Variants in TSHZ2 observed in about 807,000 individuals in gnomAD.
TSHZ2 encodes teashirt homolog 2.
A neutral mutation model predicts 74.4 loss-of-function variants in TSHZ2; 21 were observed. That is an observed-to-expected ratio of 0.28 (90% CI 0.20 to 0.41). The LOEUF (loss-of-function observed/expected upper bound fraction) is 0.41, where lower values mean the gene tolerates loss of function less well. TSHZ2 is among the 10% of genes least tolerant of loss of function. The probability of loss-of-function intolerance (pLI) is 1.00; values close to 1 mark genes in which losing one functional copy is unlikely to be tolerated. For missense variants in TSHZ2, 1,244 were observed against 1,293.5 expected (o/e 0.96, Z 0.59); for synonymous variants, 540 against 515.3 (o/e 1.05, Z -0.65).
chr20:52,988,415 C>A (rs1165528323), intron 1 of TSHZ2, among the ~76,000 whole-genome samples: 1 of 152,148 alleles, frequency 6.6e-6, no homozygotes, highest in Non-Finnish European at 1.5e-5. Flanking sequence ...CCCAGGCCCA[C>A]CTATCAGAGT....
intron 1 of TSHZ2, among the ~76,000 whole-genome samples, chr20:53,114,005 A>G (rs570590085): frequency 5.9e-5 from 9 of 151,956 alleles, no homozygotes; most frequent in Non-Finnish European, 1.2e-4. Context: ...TAGGCAAGAG[A>G]ATCACTTGAG....
At chr20:53,211,713 C>T (rs1989309666) in intron 1 of TSHZ2, among the ~76,000 whole-genome samples, 1 of 152,052 alleles carries the variant, frequency 6.6e-6, no homozygotes, top group South Asian at 2.1e-4. Flanking sequence ...GACCCTGTGT[C>T]TAAAACAATA....
At chr20:53,020,550 T>C (rs1568722886) in intron 1 of TSHZ2, among the ~76,000 whole-genome samples, 1 of 152,166 alleles carries the variant, frequency 6.6e-6, no homozygotes, top group East Asian at 1.9e-4. Context: ...TTTGGCCCCA[T>C]AAAGAGGTCT....
At chr20:53,007,906 CTG>C (rs1982705562) in intron 1 of TSHZ2, among the ~76,000 whole-genome samples, 1 of 152,018 alleles carries the variant, frequency 6.6e-6, no homozygotes, top group Non-Finnish European at 1.5e-5. Context: ...AATGGTCTGG[CTG>C]TGTTTCCTAC....
intron 1 of TSHZ2, among the ~76,000 whole-genome samples, chr20:53,010,349 G>A (rs1982804026): frequency 6.6e-6 from 1 of 152,208 alleles, no homozygotes; most frequent in Non-Finnish European, 1.5e-5. Context: ...AATCCTATCT[G>A]CACAATCCTC....
chr20:53,340,853 T>TG (rs1259883135), intron 2 of TSHZ2, among the ~76,000 whole-genome samples: 4 of 152,068 alleles, frequency 2.6e-5, no homozygotes, highest in Non-Finnish European at 4.4e-5. Flanking sequence ...GGGACAAAGG[T>TG]GGGGTAGGCC....
chr20:53,254,978 A>G lies in TSHZ2; in HGVS notation c.1520A>G (p.Glu507Gly), dbSNP rs945823125. 5 of 1,614,234 alleles carry G rather than the reference A, an allele frequency of 3.1e-6. No individual in the cohort carries two copies. In the African/African-American group the frequency reaches 6.7e-5, roughly 22 times the overall value. The change falls in exon 2 of 3, where the codon GAA becomes GGA. Residue 507 changes from glutamate (E) to glycine (G), a missense_variant. Physicochemically the swap from Glu to Gly is moderately conservative, Grantham distance 98. This residue lies in a region of TSHZ2 where 562 missense variants were observed against 544.0 expected (regional missense o/e 1.03). Coordinates refer to ENST00000371497, the MANE Select transcript of TSHZ2 (RefSeq NM_173485.6). Reference protein sequence around the residue: ...KYQYLREEDLEDGSKGGGDIL... With the variant: ...KYQYLREEDLGDGSKGGGDIL... ...CAATACCTAAGGGAGGAAGACTTGG[A>G]AGATGGCTCAAAGGGTGGAGGGGAC...
chr20:53,035,007 A>G (rs928066383), intron 1 of TSHZ2, among the ~76,000 whole-genome samples: 2 of 152,224 alleles, frequency 1.3e-5, no homozygotes. Context: ...ACTCCTGTCT[A>G]GAAAGAGATA....
chr20:53,198,872 T>A (rs1320891079), intron 1 of TSHZ2, among the ~76,000 whole-genome samples: 2 of 152,174 alleles, frequency 1.3e-5, no homozygotes, highest in Non-Finnish European at 2.9e-5. Context: ...TCTAATATTT[T>A]GAGAATATTA....
chr20:53,268,235 C>T (rs951378911), intron 2 of TSHZ2, among the ~76,000 whole-genome samples: 8 of 152,112 alleles, frequency 5.3e-5, no homozygotes, highest in South Asian at 4.1e-4. Flanking sequence ...ATGCAGAATA[C>T]GAAAGAAGTC....
chr20:53,026,904 G>A (rs1332985827), intron 1 of TSHZ2, among the ~76,000 whole-genome samples: 12 of 151,888 alleles, frequency 7.9e-5, no homozygotes, highest in African/African-American at 2.2e-4. Flanking sequence ...TTTGGAGATC[G>A]AGGTGGGAGA....
At position 53,393,914 on chromosome 20, in the gene TSHZ2, G is replaced by A. The variant is rs185861041; in HGVS notation, c.*9-93230G>A. Among the ~76,000 whole-genome samples, 17 of 152,184 alleles carry A rather than the reference G, an allele frequency of 1.1e-4. No homozygotes were observed. The East Asian group carries it at 3.1e-3, about 28-fold the overall frequency. On this transcript the variant is annotated intron_variant, in intron 2 of 2. Transcript: ENST00000371497. The stretch of plus-strand genomic sequence containing the variant: ...GTAAAACTTTTTTAAAAATTCTAAC[G>A]ACTTCCATAATTTGCATCTCATCTA...
At chr20:53,204,811 G>T (rs1349125354) in intron 1 of TSHZ2, among the ~76,000 whole-genome samples, 1 of 152,110 alleles carries the variant, frequency 6.6e-6, no homozygotes, top group Non-Finnish European at 1.5e-5. Context: ...GCCGGGTGCG[G>T]TGGCTCACGC....
At chr20:53,180,014 A>T (rs1436062619) in intron 1 of TSHZ2, among the ~76,000 whole-genome samples, 1 of 152,228 alleles carries the variant, frequency 6.6e-6, no homozygotes, top group East Asian at 1.9e-4. Flanking sequence ...ATTTCACCAG[A>T]TGCATATTAT....
chr20:53,412,588 G>T (rs1983091805), intron 2 of TSHZ2: 2 of 152,302 alleles, frequency 1.3e-5, no homozygotes, highest in Admixed American at 6.5e-5. Flanking sequence ...CCTCTGGGCC[G>T]CCACTTATGA....
At position 53,254,918 on chromosome 20, in the gene TSHZ2, C is replaced by T; in HGVS notation, c.1460C>T (p.Pro487Leu). ...GTGAAAAGCGAGGACTATGAAGATCCTCTACAAAAACCTTTAGACCCTACA... is the reference window on the plus strand; with the variant it reads ...GTGAAAAGCGAGGACTATGAAGATCTTCTACAAAAACCTTTAGACCCTACA... ...KVVKSEDYED[P>L]LQKPLDPTIK... The change falls in exon 2 of 3, where the codon CCT becomes CTT. Residue 487 changes from proline (P) to leucine (L), a missense_variant. Pro to Leu is a moderately conservative substitution (Grantham distance 98). Coordinates refer to ENST00000371497, the MANE Select transcript of TSHZ2 (RefSeq NM_173485.6). 1 of 1,613,808 alleles carries T rather than the reference C, an allele frequency of 6.2e-7. No homozygotes were observed. The highest frequency in any genetic ancestry group is 8.5e-7 in the Non-Finnish European group (1 of 1,179,942).
intron 2 of TSHZ2, among the ~76,000 whole-genome samples, chr20:53,410,352 C>T (rs1198021630): frequency 6.6e-6 from 1 of 152,084 alleles, no homozygotes; most frequent in African/African-American, 2.4e-5. Context: ...AGGCACATCC[C>T]TGAGCAGAAT....
At chr20:53,214,108 C>T (rs1384764225) in intron 1 of TSHZ2, among the ~76,000 whole-genome samples, 1 of 151,990 alleles carries the variant, frequency 6.6e-6, no homozygotes, top group Non-Finnish European at 1.5e-5. Flanking sequence ...TGGTAAGTAG[C>T]CCAAATCAAA....
At chr20:53,451,288 G>A (rs1164943631) in intron 2 of TSHZ2, among the ~76,000 whole-genome samples, 1 of 152,210 alleles carries the variant, frequency 6.6e-6, no homozygotes, top group African/African-American at 2.4e-5. Flanking sequence ...TCATGCAACA[G>A]AGAATAAAGC....
Sources: allele counts gnomAD v4.1 joint callset (sites outside exome capture counted in the v4.1 genomes callset), GRCh38; gene constraint gnomAD v4.1.1; regional missense constraint gnomAD v4.1.1; transcripts MANE v1.5; gene names NCBI Gene and HGNC (gene_info 2026-07-23, HGNC 2026-07-21).